The following WWOX variants were observed in gnomAD, a reference collection of about 807,000 sequenced individuals.
WWOX encodes the protein WW domain-containing oxidoreductase.
WWOX carries 69 observed loss-of-function variants against 46.2 expected under a neutral mutation model. The observed-to-expected ratio is 1.49, with a 90% CI of 1.23 to 1.82. The LOEUF is 1.82. Among genes scored for constraint, WWOX ranks in the 40% most tolerant of loss-of-function variants. The pLI is 0.00. For missense variants in WWOX, 919 were observed against 542.6 expected (o/e 1.69, Z -6.89); for synonymous variants, 359 against 202.6 (o/e 1.77, Z -6.56).
chr16:78,118,650 C>A (rs544498664), intron 4 of WWOX, among the ~76,000 whole-genome samples: 1 of 152,280 alleles, frequency 6.6e-6, no homozygotes, highest in South Asian at 2.1e-4. Context: ...CAGAGATCAT[C>A]TAGCTCGCAA....
At chr16:78,629,761 G>C (rs370728779) in intron 8 of WWOX, among the ~76,000 whole-genome samples, 1 of 152,156 alleles carries the variant, frequency 6.6e-6, no homozygotes, top group East Asian at 1.9e-4. Context: ...CACTTTCTCT[G>C]GGGTGCAGGG....
chr16:78,977,858 A>C (rs2046604230), intron 8 of WWOX, among the ~76,000 whole-genome samples: 1 of 152,186 alleles, frequency 6.6e-6, no homozygotes, highest in Admixed American at 6.5e-5. Flanking sequence ...AACTTCAAGG[A>C]CGCTTTTTGT....
intron 5 of WWOX, among the ~76,000 whole-genome samples, chr16:78,300,751 A>G (rs939443275): frequency 1.3e-5 from 2 of 152,112 alleles, no homozygotes; most frequent in African/African-American, 2.4e-5. Context: ...CTGAAATATT[A>G]TGATTGGAAA....
At chr16:78,500,000 A>G (rs923359222) in intron 8 of WWOX, among the ~76,000 whole-genome samples, 1 of 152,174 alleles carries the variant, frequency 6.6e-6, no homozygotes, top group African/African-American at 2.4e-5. Flanking sequence ...AAAGCAGTAG[A>G]GGGATGGAGA....
intron 8 of WWOX, among the ~76,000 whole-genome samples, chr16:78,630,567 A>G (rs546014626): frequency 6.6e-6 from 1 of 152,308 alleles, no homozygotes; most frequent in East Asian, 1.9e-4. Flanking sequence ...CTGGGGGACT[A>G]ATTAAATGCA....
At chr16:78,861,529 A>G (rs2043885738) in intron 8 of WWOX, among the ~76,000 whole-genome samples, 1 of 152,206 alleles carries the variant, frequency 6.6e-6, no homozygotes, top group South Asian at 2.1e-4. Flanking sequence ...AGTAAATGCA[A>G]GACATTATAT....
At chr16:78,475,665 G>A (rs2175472) in intron 8 of WWOX, among the ~76,000 whole-genome samples, 17,805 of 151,788 alleles carry the variant, frequency 0.12, 1,888 homozygotes, top group African/African-American at 0.28. Flanking sequence ...ACATGATCTC[G>A]GCTCACTGCA....
chr16:78,712,970 T>A (rs2048475553), intron 8 of WWOX, among the ~76,000 whole-genome samples: 1 of 152,014 alleles, frequency 6.6e-6, no homozygotes. Flanking sequence ...GAATAGCAGT[T>A]AGAAATAGCT....
At chr16:78,415,192 G>C (rs1229476582) in intron 6 of WWOX, among the ~76,000 whole-genome samples, 1 of 151,782 alleles carries the variant, frequency 6.6e-6, no homozygotes, top group Admixed American at 6.6e-5. Context: ...TCCCGGAAGT[G>C]AGGGTTCTTC....
At chr16:78,626,015 T>G (rs1259868692) in intron 8 of WWOX, among the ~76,000 whole-genome samples, 2 of 151,860 alleles carry the variant, frequency 1.3e-5, no homozygotes, top group African/African-American at 2.4e-5. Context: ...TTTACCAACC[T>G]AATATTGTTA....
intron 8 of WWOX, among the ~76,000 whole-genome samples, chr16:78,658,701 G>C (rs556338088): frequency 1.3e-5 from 2 of 152,154 alleles, no homozygotes; most frequent in South Asian, 2.1e-4. Flanking sequence ...TTTTCCTATA[G>C]GGACTCAAGT....
intron 8 of WWOX, among the ~76,000 whole-genome samples, chr16:79,072,906 G>A (rs746089062): frequency 6.6e-6 from 1 of 152,144 alleles, no homozygotes; most frequent in Non-Finnish European, 1.5e-5. Flanking sequence ...GAGAAGTTTA[G>A]TTGCCACTTT....
intron 8 of WWOX, among the ~76,000 whole-genome samples, chr16:79,047,546 T>TG (rs755965853): frequency 3.3e-5 from 5 of 152,190 alleles, no homozygotes; most frequent in African/African-American, 1.2e-4. Flanking sequence ...GGGGCCACCA[T>TG]GTGTATCAGT....
intron 7 of WWOX, among the ~76,000 whole-genome samples, chr16:78,426,550 C>G (rs1299197651): frequency 6.6e-6 from 1 of 152,142 alleles, no homozygotes; most frequent in Non-Finnish European, 1.5e-5. Context: ...TTGAATTAGA[C>G]CTATGTTAGT....
At chr16:78,478,259 C>G (rs1412413674) in intron 8 of WWOX, among the ~76,000 whole-genome samples, 1 of 152,086 alleles carries the variant, frequency 6.6e-6, no homozygotes, top group East Asian at 1.9e-4. Flanking sequence ...TGGCCTATTC[C>G]ATTCTTTTTA....
chr16:78,876,131 C>T (rs907030183), intron 8 of WWOX, among the ~76,000 whole-genome samples: 1 of 152,112 alleles, frequency 6.6e-6, no homozygotes, highest in African/African-American at 2.4e-5. Flanking sequence ...GACTTTCTTA[C>T]CTACGCTACC....
intron 8 of WWOX, among the ~76,000 whole-genome samples, chr16:78,877,478 T>G (rs556042263): frequency 9.2e-5 from 14 of 152,296 alleles, no homozygotes; most frequent in Admixed American, 5.9e-4. Flanking sequence ...CAACTGACAC[T>G]TTCTCAGTGA....
chr16:79,043,277 C>G (rs562578154), intron 8 of WWOX, among the ~76,000 whole-genome samples: 1 of 151,058 alleles, frequency 6.6e-6, no homozygotes, highest in Non-Finnish European at 1.5e-5. Context: ...TGAATTAAAC[C>G]TCTACCAGAT....
intron 4 of WWOX, chr16:78,123,672 G>T (rs1368007285): frequency 6.6e-6 from 1 of 151,340 alleles, no homozygotes; most frequent in Non-Finnish European, 1.5e-5. Flanking sequence ...TGGCCAGGCT[G>T]GTCTTGAACT....
Sources: gnomAD v4.1 joint callset for allele counts (sites outside exome capture counted in the v4.1 genomes callset) on GRCh38, gnomAD v4.1.1 for gene constraint, MANE v1.5 for transcripts, NCBI Gene and HGNC (gene_info 2026-07-23, HGNC 2026-07-21) for gene names.